The following ROPN1 variants were observed in gnomAD, a reference collection of about 807,000 sequenced individuals.
The protein encoded by ROPN1 is ropporin-1A.
ROPN1 carries 14 observed loss-of-function variants against 20.5 expected under a neutral mutation model. The ratio of observed to expected loss-of-function variants is 0.68; its 90% CI spans 0.45 to 1.07. The LOEUF (loss-of-function observed/expected upper bound fraction) is 1.07. Ranked by LOEUF, ROPN1 falls within the 50% of genes least tolerant of loss-of-function variation. The pLI, the probability that ROPN1 is intolerant of heterozygous loss-of-function variation, is 0.00. For synonymous variants in ROPN1, 76 were observed against 95.7 expected, an observed-to-expected ratio of 0.79 and a Z score of 1.20; for missense variants, 169 against 242.8, an observed-to-expected ratio of 0.70 and a Z score of 2.02.
chr3:123,976,393 T>C (rs1378048784), intron 3 of ROPN1, among the ~76,000 whole-genome samples: 1 of 152,162 alleles, frequency 6.6e-6, no homozygotes, highest in African/African-American at 2.4e-5. Flanking sequence ...TCCTCATGCA[T>C]TCATTCACCA....
In ROPN1 at chr3:123,969,046, G is replaced by A. The variant is rs1319591838; in HGVS notation, c.*109C>T. Reference sequence around the variant, plus strand: ...ATCTCATATGTTTAATTGTTTATTAGTGTGTACCAGTTGTACAAGAAAATT... The same window carrying A: ...ATCTCATATGTTTAATTGTTTATTAATGTGTACCAGTTGTACAAGAAAATT... On this transcript the variant is annotated 3_prime_UTR_variant, in exon 6 of 6. Coordinates refer to ENST00000405845, the MANE Select transcript of ROPN1 (RefSeq NM_001317774.2). 2.4e-6 allele frequency: 2 copies of A among 841,086 alleles called. No homozygotes were observed. Among genetic ancestry groups the A allele is most frequent in the African/African-American group, 3.4e-5 (2 of 59,342 alleles). 52.1% of individuals were successfully genotyped at this position (841,086 alleles called of 1,614,324 possible).
chr3:123,991,738 G>T (rs1208834679), intron 1 of ROPN1, among the ~76,000 whole-genome samples, 184 bp downstream of exon 1: 2 of 151,686 alleles, frequency 1.3e-5, no homozygotes, highest in East Asian at 3.9e-4. Flanking sequence ...ACACAAATTG[G>T]CCAGAAAGCC....
chr3:123,988,812 A>G (rs1232339764), intron 1 of ROPN1, among the ~76,000 whole-genome samples: 2 of 152,064 alleles, frequency 1.3e-5, no homozygotes, highest in African/African-American at 4.8e-5. Flanking sequence ...ACTCTGCTTC[A>G]TGGAGCTCAC....
intron 1 of ROPN1, among the ~76,000 whole-genome samples, chr3:123,990,271 A>AAGG (rs1173300272): frequency 3.3e-5 from 5 of 152,080 alleles, no homozygotes; most frequent in African/African-American, 1.2e-4. Flanking sequence ...GTAACTACTG[A>AAGG]AGGAGGAGGA....
At chr3:123,987,086 G>A (rs1024853504) in intron 1 of ROPN1, among the ~76,000 whole-genome samples, 3 of 152,252 alleles carry the variant, frequency 2.0e-5, no homozygotes, top group African/African-American at 7.2e-5. Context: ...CCCTGGCCAT[G>A]CTGTACTACA....
intron 3 of ROPN1, among the ~76,000 whole-genome samples, chr3:123,976,613 T>C (rs1255920056): frequency 6.6e-6 from 1 of 152,252 alleles, no homozygotes; most frequent in Admixed American, 6.5e-5. Flanking sequence ...TAGCATTGCA[T>C]TGAGCCCCTG....
intron 3 of ROPN1, among the ~76,000 whole-genome samples, chr3:123,976,661 C>A (rs1467411772): frequency 1.3e-5 from 2 of 152,196 alleles, no homozygotes; most frequent in African/African-American, 4.8e-5. Context: ...GGGATGACCC[C>A]ACCAATGACT....
At chr3:123,976,474 G>T (rs1189221635) in intron 3 of ROPN1, among the ~76,000 whole-genome samples, 1 of 152,204 alleles carries the variant, frequency 6.6e-6, no homozygotes, top group Non-Finnish European at 1.5e-5. Flanking sequence ...GCAATGTCTG[G>T]ACCTTGGATA....
intron 1 of ROPN1, among the ~76,000 whole-genome samples, chr3:123,990,849 A>G (rs2038391592): frequency 6.6e-6 from 1 of 152,216 alleles, no homozygotes; most frequent in African/African-American, 2.4e-5. Flanking sequence ...AATAGACTAT[A>G]GCCTTGTTTC....
At chr3:123,976,027 G>C (rs2038014258) in intron 3 of ROPN1, among the ~76,000 whole-genome samples, 1 of 152,134 alleles carries the variant, frequency 6.6e-6, no homozygotes, top group Admixed American at 6.5e-5. Context: ...GAATGATATG[G>C]GGTATGTGGC....
In ROPN1 at chr3:123,978,341, T is replaced by G. The variant is rs372004180; in HGVS notation, c.117-1360A>C. ...GGCTTTATAAACCAGACTTGGGTGG[T>G]ATAAATGGGAGGGACAGAGACACAC... On this transcript the variant is annotated intron_variant, in intron 2 of 5. Coordinates refer to ENST00000405845, the MANE Select transcript of ROPN1 (RefSeq NM_001317774.2). Among the ~76,000 whole-genome samples the G allele has an allele frequency of 1.8e-4, 27 of 152,204 alleles. 1 individual carries two copies. The East Asian group carries it at 4.1e-3, about 23-fold the overall frequency.
chr3:123,975,089 G>A lies in ROPN1; in HGVS notation c.396+290C>T, dbSNP rs1168866257. On this transcript the variant is annotated intron_variant, in intron 4 of 5. Coordinates refer to ENST00000405845, the MANE Select transcript of ROPN1 (RefSeq NM_001317774.2). Reference sequence around the variant, plus strand: ...GTCTCTGGGAATATGAATGGAAGGAGCGGAGTGAAAATAAATCTGAGGGCA... The same window carrying A: ...GTCTCTGGGAATATGAATGGAAGGAACGGAGTGAAAATAAATCTGAGGGCA... The A allele has an allele frequency of 6.3e-6, 3 of 479,340 alleles. No homozygotes were observed. The South Asian group carries it at 6.3e-5, about 10-fold the overall frequency. 29.7% of individuals were successfully genotyped at this position (479,340 alleles called of 1,614,324 possible). A position where few individuals can be genotyped will look rare whatever the true frequency, so the allele number is the denominator to read the frequency against.
At chr3:123,973,941 C>G (rs1340842115) in intron 4 of ROPN1, among the ~76,000 whole-genome samples, 1 of 152,182 alleles carries the variant, frequency 6.6e-6, no homozygotes, top group Non-Finnish European at 1.5e-5. Context: ...TGTGAGAAAC[C>G]CTTCACTTGA....
intron 1 of ROPN1, among the ~76,000 whole-genome samples, chr3:123,987,390 C>A (rs1577376610): frequency 6.6e-6 from 1 of 152,222 alleles, no homozygotes; most frequent in Non-Finnish European, 1.5e-5. Flanking sequence ...ACTGTCTGTG[C>A]CTTCCCTCTG....
Position 123,986,018 on chromosome 3 carries a change from A to AAAAAAAAAAAAAAAAAAAAAAAAAAAAT in ROPN1, c.-12-5526_-12-5525insATTTTTTTTTTTTTTTTTTTTTTTTTTT, listed in dbSNP as rs201340337. ...AAAAAAAAAAAAAAAAAAAAAAAAA[A>AAAAAAAAAAAAAAAAAAAAAAAAAAAAT]TCAAAATATTTAAATTATACTTGAA... On this transcript the variant is annotated intron_variant, in intron 1 of 5. Coordinates refer to ENST00000405845, the MANE Select transcript of ROPN1 (RefSeq NM_001317774.2). Among the ~76,000 whole-genome samples the AAAAAAAAAAAAAAAAAAAAAAAAAAAAT allele has an allele frequency of 1.3e-4, 12 of 93,988 alleles. 2 individuals are homozygous for AAAAAAAAAAAAAAAAAAAAAAAAAAAAT. In the East Asian group the frequency reaches 2.4e-3, roughly 19 times the overall value. 61.7% of individuals were successfully genotyped at this position (93,988 alleles called of 152,430 possible). A position where few individuals can be genotyped will look rare whatever the true frequency, so the allele number is the denominator to read the frequency against.
chr3:123,984,490 G>T (rs1393607526), intron 1 of ROPN1, among the ~76,000 whole-genome samples: 1 of 151,918 alleles, frequency 6.6e-6, no homozygotes, highest in African/African-American at 2.4e-5. Context: ...TGTGTCTCTG[G>T]CTCAGCCCCT....
intron 1 of ROPN1, among the ~76,000 whole-genome samples, chr3:123,989,053 G>A (rs2038337383): frequency 6.6e-6 from 1 of 152,186 alleles, no homozygotes; most frequent in Non-Finnish European, 1.5e-5. Context: ...GTTCATTGCT[G>A]TACTGCAAGC....
In ROPN1 at chr3:123,980,562, A is replaced by G. The variant is rs1224308302; in HGVS notation, c.-12-69T>C. On this transcript the variant is annotated intron_variant, in intron 1 of 5. Transcript: ENST00000405845. The stretch of plus-strand genomic sequence containing the variant: ...TCATACGATGAGAGCAATCCTGGAC[A>G]GGAGGTCACCCAGCCTCTGTTTGAC... 5 of 1,435,840 alleles carry G rather than the reference A, an allele frequency of 3.5e-6. No individual in the cohort carries two copies. The African/African-American group carries it at 7.1e-5, about 20-fold the overall frequency. 88.9% of individuals were successfully genotyped at this position (1,435,840 alleles called of 1,614,324 possible). A position where few individuals can be genotyped will look rare whatever the true frequency, so the allele number is the denominator to read the frequency against.
At chr3:123,984,486 T>A (rs1024840191) in intron 1 of ROPN1, among the ~76,000 whole-genome samples, 1 of 152,218 alleles carries the variant, frequency 6.6e-6, no homozygotes, top group Non-Finnish European at 1.5e-5. Flanking sequence ...CTCCTGTGTC[T>A]CTGGCTCAGC....
Sources: gnomAD v4.1 joint callset for allele counts (sites outside exome capture counted in the v4.1 genomes callset) on GRCh38, gnomAD v4.1.1 for gene constraint, MANE v1.5 for transcripts, NCBI Gene and HGNC (gene_info 2026-07-23, HGNC 2026-07-21) for gene names.